The following MOB1B variants were observed in gnomAD, a reference collection of about 807,000 sequenced individuals.
MOB1B encodes the protein MOB kinase activator 1B, also known as MOB1 Mps One Binder homolog B.
Under a neutral mutation model 24.4 loss-of-function variants are expected in MOB1B, and 19 were observed. The ratio of observed to expected loss-of-function variants is 0.78; its 90% CI spans 0.54 to 1.14. MOB1B has a LOEUF of 1.14. MOB1B is among the 50% of genes most tolerant of loss of function. MOB1B has a pLI of 0.00. For synonymous variants in MOB1B, 76 were observed against 82.1 expected (o/e 0.93, Z 0.40); for missense variants, 243 against 259.6 (o/e 0.94, Z 0.44).
intron 1 of MOB1B, chr4:70,950,579 A>G (rs1737761657): frequency 2.3e-6 from 1 of 443,450 alleles, no homozygotes; most frequent in Admixed American, 3.4e-5. Flanking sequence ...AAAGAAAAAT[A>G]ATAGCTTGTA....
At position 70,902,393 on chromosome 4, in the gene MOB1B, G is replaced by T; in HGVS notation, c.-144G>T. ...CATTGGAACTAGCTGAGCCGAACTA[G>T]TTGCGGCCACCGAGCAGCCGGCTCT... On this transcript the variant is annotated 5_prime_UTR_variant, in exon 1 of 6. Coordinates refer to ENST00000309395, the MANE Select transcript of MOB1B (RefSeq NM_173468.4). 1.2e-6 allele frequency: 1 copy of T among 824,396 alleles called. No individual in the cohort carries two copies. The allele number at this position is 824,396 out of a possible 1,614,324, so 51.1% of individuals were successfully genotyped here. A position where few individuals can be genotyped will look rare whatever the true frequency, so the allele number is the denominator to read the frequency against.
At chr4:70,981,065 G>A (rs1373607541) in intron 5 of MOB1B, among the ~76,000 whole-genome samples, 1 of 152,112 alleles carries the variant, frequency 6.6e-6, no homozygotes, top group East Asian at 1.9e-4. Context: ...AAGTATATTT[G>A]TTAAGGTAGG....
chr4:70,952,266 A>G (rs1737839611), intron 1 of MOB1B, among the ~76,000 whole-genome samples: 1 of 152,090 alleles, frequency 6.6e-6, no homozygotes, highest in South Asian at 2.1e-4. Flanking sequence ...AGAATAAAGT[A>G]GATTTACTTG....
intron 1 of MOB1B, among the ~76,000 whole-genome samples, chr4:70,955,075 T>G (rs1737986181): frequency 6.6e-6 from 1 of 152,198 alleles, no homozygotes; most frequent in African/African-American, 2.4e-5. Flanking sequence ...CATGAGCCAC[T>G]GTGCCCGGCC....
At chr4:70,914,102 A>C (rs557265476) in intron 1 of MOB1B, among the ~76,000 whole-genome samples, 4 of 152,338 alleles carry the variant, frequency 2.6e-5, no homozygotes, top group African/African-American at 9.6e-5. Context: ...CTGAGGGAAC[A>C]TGTTAGCCTC....
At chr4:70,954,382 C>T (rs2148891562) in intron 1 of MOB1B, among the ~76,000 whole-genome samples, 1 of 152,300 alleles carries the variant, frequency 6.6e-6, no homozygotes, top group East Asian at 1.9e-4. Flanking sequence ...AGTAATTTGC[C>T]TGAGATAGTA....
At chr4:70,950,690 C>T in intron 1 of MOB1B, 1 of 1,396,084 alleles carries the variant, frequency 7.2e-7, no homozygotes, top group South Asian at 1.3e-5. Context: ...TCATTATTAT[C>T]CTGATGTAGG....
At chr4:70,928,520 C>T (rs1365847663) in intron 1 of MOB1B, among the ~76,000 whole-genome samples, 1 of 152,076 alleles carries the variant, frequency 6.6e-6, no homozygotes, top group African/African-American at 2.4e-5. Context: ...TGGTCTCGAA[C>T]TCTTGACCTC....
intron 2 of MOB1B, among the ~76,000 whole-genome samples, chr4:70,962,877 C>G (rs1738361037): frequency 6.6e-6 from 1 of 151,804 alleles, no homozygotes; most frequent in African/African-American, 2.4e-5. Flanking sequence ...GGTGGTGTAT[C>G]CCTGTAGTCC....
chr4:70,934,361 C>T (rs970267730), intron 1 of MOB1B, among the ~76,000 whole-genome samples: 1 of 152,046 alleles, frequency 6.6e-6, no homozygotes, highest in African/African-American at 2.4e-5. Flanking sequence ...GCTGGAATTA[C>T]AGGCATGAGC....
chr4:70,920,370 G>A (rs568938890), intron 1 of MOB1B, among the ~76,000 whole-genome samples: 4 of 151,998 alleles, frequency 2.6e-5, no homozygotes, highest in Non-Finnish European at 5.9e-5. Context: ...GATTACAGGC[G>A]TGCCCCGCCA....
At chr4:70,941,381 G>A (rs1055898203) in intron 1 of MOB1B, among the ~76,000 whole-genome samples, 4 of 152,040 alleles carry the variant, frequency 2.6e-5, no homozygotes, top group African/African-American at 9.7e-5. Flanking sequence ...TCGCTCTGTT[G>A]CCCAGGCTGG....
At position 70,911,660 on chromosome 4, in the gene MOB1B, C is replaced by T. The variant is rs555359002; in HGVS notation, c.14+9110C>T. On this transcript the variant is annotated intron_variant, in intron 1 of 5. Coordinates refer to ENST00000309395, the MANE Select transcript of MOB1B (RefSeq NM_173468.4). ...TGATTTCTTTCTCTAAGTGTAGTTGCAGTTTTTGTACTTTCGGAGTTTCTG... is the reference window on the plus strand; with the variant it reads ...TGATTTCTTTCTCTAAGTGTAGTTGTAGTTTTTGTACTTTCGGAGTTTCTG... Among the ~76,000 whole-genome samples the T allele has an allele frequency of 7.9e-5, 12 of 152,078 alleles. No individual in the cohort carries two copies. The South Asian group carries it at 2.5e-3, about 32-fold the overall frequency.
Position 70,981,386 on chromosome 4 carries a change from T to C in MOB1B, c.574-594T>C, listed in dbSNP as rs555463185. On this transcript the variant is annotated intron_variant, in intron 5 of 5. Transcript: ENST00000309395. Reference sequence around the variant, plus strand: ...AGGGGAAATCTATTCAGAAGTGAACTTCAGAATGACGGGTGGAATTTCTAA... The same window carrying C: ...AGGGGAAATCTATTCAGAAGTGAACCTCAGAATGACGGGTGGAATTTCTAA... 5.9e-5 allele frequency among the ~76,000 whole-genome samples: 9 copies of C among 152,342 alleles called. No homozygotes were observed. The South Asian group carries it at 1.9e-3, about 32-fold the overall frequency.
intron 1 of MOB1B, among the ~76,000 whole-genome samples, chr4:70,956,036 A>G (rs1738034150): frequency 6.6e-6 from 1 of 151,918 alleles, no homozygotes; most frequent in Non-Finnish European, 1.5e-5. Context: ...CATACCTAAC[A>G]TTTATATTTT....
chr4:70,958,168 CTT>C (rs112338268), intron 1 of MOB1B, among the ~76,000 whole-genome samples: 15 of 141,724 alleles, frequency 1.1e-4, no homozygotes, highest in Non-Finnish European at 6.2e-5. Flanking sequence ...TCTTTTCTTT[CTT>C]TTTTTTTTTT....
intron 1 of MOB1B, among the ~76,000 whole-genome samples, chr4:70,911,796 C>T (rs1314126212): frequency 6.6e-6 from 1 of 152,032 alleles, no homozygotes. Flanking sequence ...TGAAACAGTT[C>T]TACCTGTTAG....
intron 2 of MOB1B, among the ~76,000 whole-genome samples, chr4:70,963,306 A>G (rs1330209456): frequency 1.3e-5 from 2 of 151,632 alleles, no homozygotes; most frequent in Admixed American, 1.3e-4. Flanking sequence ...GCTGCAGTGT[A>G]CCATGATCCT....
At position 70,958,859 on chromosome 4, in the gene MOB1B, CT is replaced by C. The variant is rs1738179202; in HGVS notation, c.15-11del. ...CTTAAATATTAAACCCTTTTTTTTT[CT>C]TTTCTATTCATAGTGGTAGTCGCTC... On this transcript the variant is annotated splice_polypyrimidine_tract_variant and intron_variant, in intron 1 of 5. Transcript: ENST00000309395. 6.4e-7 allele frequency: 1 copy of C among 1,571,958 alleles called. No individual in the cohort carries two copies. The highest frequency in any genetic ancestry group is 1.4e-5 in the African/African-American group (1 of 71,854).
Sources: gnomAD v4.1 joint callset for allele counts (sites outside exome capture counted in the v4.1 genomes callset) on GRCh38, gnomAD v4.1.1 for gene constraint, MANE v1.5 for transcripts, NCBI Gene and HGNC (gene_info 2026-07-23, HGNC 2026-07-21) for gene names.